IL1RAPL2: variants seen among roughly 807,000 people sequenced by gnomAD.
IL1RAPL2 encodes interleukin 1 receptor accessory protein like 2.
In IL1RAPL2, 3 loss-of-function variants were observed where a neutral mutation model predicts 44.1. That is an observed-to-expected ratio of 0.07 (90% CI 0.03 to 0.18). The LOEUF is 0.18. IL1RAPL2 is among the 10% of genes least tolerant of loss of function. The pLI, the probability that IL1RAPL2 is intolerant of heterozygous loss-of-function variation, is 1.00. For missense variants in IL1RAPL2, 391 were observed against 496.4 expected, an observed-to-expected ratio of 0.79 and a Z score of 2.02; for synonymous variants, 181 against 178.8, an observed-to-expected ratio of 1.01 and a Z score of -0.10.
chrX:104,735,918 C>G (rs1932005637), intron 2 of IL1RAPL2, among the ~76,000 whole-genome samples: 1 of 111,478 alleles, frequency 9.0e-6, no homozygotes, highest in South Asian at 3.8e-4. Context: ...CCTTCTTAGC[C>G]TGGCATCTAA....
chrX:104,791,053 G>A (rs1482947470), intron 2 of IL1RAPL2, among the ~76,000 whole-genome samples: 1 of 111,467 alleles, frequency 9.0e-6, no homozygotes, highest in African/African-American at 3.3e-5. Flanking sequence ...TTACAGTCAG[G>A]GAAACTGAGG....
At chrX:104,831,329 G>T (rs2147629220) in intron 2 of IL1RAPL2, among the ~76,000 whole-genome samples, 1 of 111,509 alleles carries the variant, frequency 9.0e-6, no homozygotes, top group South Asian at 3.8e-4. Context: ...AAACTAGCTA[G>T]CAAACATTTA....
chrX:105,240,314 T>C (rs1185588520), intron 4 of IL1RAPL2, among the ~76,000 whole-genome samples: 1 of 112,679 alleles, frequency 8.9e-6, no homozygotes, highest in Non-Finnish European at 1.9e-5. Context: ...TTATCATAGG[T>C]CATTTGACTT....
intron 2 of IL1RAPL2, among the ~76,000 whole-genome samples, chrX:105,048,561 C>T (rs1033721867): frequency 1.8e-5 from 2 of 111,100 alleles, no homozygotes; most frequent in African/African-American, 6.6e-5. Flanking sequence ...CATGCTGATA[C>T]TTCAAGACCT....
chrX:104,855,037 A>C (rs768764723), intron 2 of IL1RAPL2, among the ~76,000 whole-genome samples: 3 of 112,304 alleles, frequency 2.7e-5, no homozygotes, highest in Admixed American at 9.4e-5. Flanking sequence ...AGAAGAGCCA[A>C]AATCTTTTGT....
chrX:104,740,182 A>G (rs1932080036), intron 2 of IL1RAPL2, among the ~76,000 whole-genome samples: 1 of 111,404 alleles, frequency 9.0e-6, no homozygotes, highest in Non-Finnish European at 1.9e-5. Flanking sequence ...TGCAACAGTG[A>G]CATGAACATC....
intron 2 of IL1RAPL2, among the ~76,000 whole-genome samples, chrX:104,775,258 G>C (rs985611038): frequency 1.9e-4 from 21 of 112,275 alleles, no homozygotes; most frequent in Non-Finnish European, 2.6e-4. Context: ...AATCAGGGTG[G>C]ATGGTGTTTT....
intron 6 of IL1RAPL2, among the ~76,000 whole-genome samples, chrX:105,579,801 T>C (rs1190732104): frequency 9.0e-6 from 1 of 111,538 alleles, no homozygotes; most frequent in Admixed American, 9.6e-5. Flanking sequence ...TTAGTCCATA[T>C]TGCCCCAGAA....
chrX:105,205,173 A>G (rs1232576870), intron 3 of IL1RAPL2, among the ~76,000 whole-genome samples: 1 of 110,999 alleles, frequency 9.0e-6, no homozygotes, highest in Non-Finnish European at 1.9e-5. Context: ...AAAGTGACAT[A>G]CAAACTGAGA....
chrX:104,582,668 T>TC (rs1928401608), intron 1 of IL1RAPL2, among the ~76,000 whole-genome samples: 1 of 84,289 alleles, frequency 1.2e-5, no homozygotes, highest in Non-Finnish European at 2.4e-5. Context: ...TTTTTTTCTT[T>TC]TTTCTTTCTC....
At chrX:105,010,430 T>G (rs1478088338) in intron 2 of IL1RAPL2, among the ~76,000 whole-genome samples, 1 of 111,787 alleles carries the variant, frequency 8.9e-6, no homozygotes, top group Non-Finnish European at 1.9e-5. Flanking sequence ...TCTACAAGAC[T>G]TTTAAGTTGG....
chrX:105,538,032 C>CTTTTTT (rs1191360462), intron 6 of IL1RAPL2, among the ~76,000 whole-genome samples: 50 of 80,710 alleles, frequency 6.2e-4, no homozygotes, highest in African/African-American at 2.7e-3. Flanking sequence ...ATTTTCCCTT[C>CTTTTTT]TTTTTTTTTT....
chrX:104,911,594 A>G (rs1924239054), intron 2 of IL1RAPL2, among the ~76,000 whole-genome samples: 2 of 111,286 alleles, frequency 1.8e-5, no homozygotes, highest in South Asian at 7.5e-4. Context: ...GTCTCTGTTC[A>G]CTCTCCACTC....
intron 5 of IL1RAPL2, among the ~76,000 whole-genome samples, chrX:105,354,128 T>C (rs1230125860): frequency 9.0e-6 from 1 of 110,977 alleles, no homozygotes; most frequent in Non-Finnish European, 1.9e-5. Context: ...AAAATACCAT[T>C]TGACCCAGCC....
rs150450103 is a variant in IL1RAPL2, at chrX:105,638,476, A to T, written c.773-78891A>T. On this transcript the variant is annotated intron_variant, in intron 6 of 10. Transcript: ENST00000372582. ...GATTTTACTCTCTGATTTTCAGGTG[A>T]CCTCAGGTCCACATTAGCCCTGCAA... is the stretch of plus-strand genomic sequence containing the variant. Among the ~76,000 whole-genome samples, 12 of 110,907 alleles carry T rather than the reference A, an allele frequency of 1.1e-4. No homozygotes were observed. The East Asian group carries it at 3.2e-3, about 29-fold the overall frequency.
At chrX:105,156,910 A>G (rs889391973) in intron 2 of IL1RAPL2, among the ~76,000 whole-genome samples, 1 of 110,572 alleles carries the variant, frequency 9.0e-6, no homozygotes, top group Non-Finnish European at 1.9e-5. Context: ...ATTAAAGGAA[A>G]CTGTTGCAGG....
At chrX:104,577,177 A>C (rs1928258394) in intron 1 of IL1RAPL2, among the ~76,000 whole-genome samples, 1 of 112,102 alleles carries the variant, frequency 8.9e-6, no homozygotes, top group African/African-American at 3.2e-5. Flanking sequence ...TCCTGTGTTT[A>C]AGAGTTCCAT....
At chrX:104,751,018 A>ACTCTACAAT (rs1167525623) in intron 2 of IL1RAPL2, among the ~76,000 whole-genome samples, 2 of 111,117 alleles carry the variant, frequency 1.8e-5, no homozygotes, top group African/African-American at 6.5e-5. Context: ...GTCTATTCCA[A>ACTCTACAAT]CTCTACAATC....
intron 4 of IL1RAPL2, among the ~76,000 whole-genome samples, chrX:105,234,952 C>A (rs2034107498): frequency 9.0e-6 from 1 of 111,129 alleles, no homozygotes; most frequent in Admixed American, 9.6e-5. Flanking sequence ...GTCACTGGAA[C>A]CTGGCAAGAG....
Sources: allele counts gnomAD v4.1 joint callset (sites outside exome capture counted in the v4.1 genomes callset), GRCh38; gene constraint gnomAD v4.1.1; transcripts MANE v1.5; gene names NCBI Gene and HGNC (gene_info 2026-07-23, HGNC 2026-07-21).